The following PLIN1 variants were observed in gnomAD, a reference collection of about 807,000 sequenced individuals.
The protein encoded by PLIN1 is perilipin-1.
In PLIN1, 37 loss-of-function variants were observed where a neutral mutation model predicts 45.8. The ratio of observed to expected loss-of-function variants is 0.81; its 90% CI spans 0.62 to 1.06. The LOEUF (loss-of-function observed/expected upper bound fraction) is 1.06. PLIN1 is among the 50% of genes least tolerant of loss of function. PLIN1 has a pLI of 0.00. For synonymous variants in PLIN1, 340 were observed against 309.2 expected, an observed-to-expected ratio of 1.10 and a Z score of -1.05; for missense variants, 776 against 716.5, an observed-to-expected ratio of 1.08 and a Z score of -0.95.
rs768562297 is a variant in PLIN1 at position 89,665,805 on chromosome 15, G to A, written c.1347C>T (p.Leu449=). 3.0e-6 allele frequency: 4 copies of A among 1,354,280 alleles called. No homozygotes were observed. Among genetic ancestry groups the A allele is most frequent in the South Asian group, 1.7e-5 (1 of 59,070 alleles). The allele number at this position is 1,354,280 out of a possible 1,614,324, so 83.9% of individuals were successfully genotyped here. Residue 449 remains leucine, a synonymous_variant, in exon 9 of 9, where the codon CTC becomes CTT. Coordinates refer to ENST00000300055, the MANE Select transcript of PLIN1 (RefSeq NM_002666.5). ...PSAGPEPAPR[L]AQPRRSLRSA... ...TGCGCAGGCTGCGGCGGGGCTGTGC[G>A]AGACGCGGGGCGGGCTCCGGGCCGG...
At chr15:89,668,185 T>C (rs1252992262) in intron 6 of PLIN1, among the ~76,000 whole-genome samples, 1 of 152,248 alleles carries the variant, frequency 6.6e-6, no homozygotes, top group East Asian at 1.9e-4. Context: ...CCATGTGTAT[T>C]CATCTATTAA....
chr15:89,675,470 G>A (rs1210855369), intron 2 of PLIN1, among the ~76,000 whole-genome samples: 1 of 150,882 alleles, frequency 6.6e-6, no homozygotes, highest in Non-Finnish European at 1.5e-5. Flanking sequence ...AATATTTGAT[G>A]GCATGTGGAC....
At chr15:89,668,328 T>C (rs1289948422) in intron 6 of PLIN1, among the ~76,000 whole-genome samples, 1 of 152,252 alleles carries the variant, frequency 6.6e-6, no homozygotes, top group Non-Finnish European at 1.5e-5. Flanking sequence ...CTACCGTTGA[T>C]GGACATTATC....
intron 2 of PLIN1, among the ~76,000 whole-genome samples, chr15:89,676,409 C>T (rs571316860): frequency 2.6e-5 from 4 of 152,134 alleles, no homozygotes; most frequent in Admixed American, 6.5e-5. Context: ...CACCATACCC[C>T]GCTGATTTTT....
At chr15:89,675,833 A>G (rs1391346342) in intron 2 of PLIN1, among the ~76,000 whole-genome samples, 1 of 152,124 alleles carries the variant, frequency 6.6e-6, no homozygotes, top group Non-Finnish European at 1.5e-5. Context: ...CCCACAGCTG[A>G]TAAGTGGCAG....
At chr15:89,672,018 T>C (rs1489289087) in intron 3 of PLIN1, among the ~76,000 whole-genome samples, 2 of 152,126 alleles carry the variant, frequency 1.3e-5, no homozygotes, top group Non-Finnish European at 2.9e-5. Flanking sequence ...TGAGTGAGCA[T>C]GAGGAGGGAG....
intron 3 of PLIN1, among the ~76,000 whole-genome samples, chr15:89,672,505 G>A (rs999118125): frequency 3.3e-5 from 5 of 152,172 alleles, no homozygotes; most frequent in African/African-American, 7.2e-5. Context: ...ACTTCACATC[G>A]GTCCTCTCCT....
At chr15:89,678,723 C>G (rs4578621) in intron 1 of PLIN1, among the ~76,000 whole-genome samples, 125,434 of 152,056 alleles carry the variant, frequency 0.82, 53,112 homozygotes, top group Non-Finnish European at 0.92. Flanking sequence ...AGATCAGCCT[C>G]GGCAATACAG....
intron 2 of PLIN1, among the ~76,000 whole-genome samples, chr15:89,676,218 C>G (rs574898754): frequency 1.7e-4 from 26 of 152,142 alleles, no homozygotes; most frequent in Admixed American, 1.4e-3. Context: ...TAAGACAGAG[C>G]AGCCCACAAT....
chr15:89,675,442 A>AG (rs975043161), intron 2 of PLIN1, among the ~76,000 whole-genome samples: 26 of 151,304 alleles, frequency 1.7e-4, no homozygotes, highest in African/African-American at 5.8e-4. Flanking sequence ...AAAAAAAAAA[A>AG]AAAAAGCTGG....
rs773601550 is a variant in PLIN1, at chr15:89,669,969, A to G, written c.598+11T>C. Reference sequence around the variant, plus strand: ...ACTCACTCCCAGGCCGAGCCTCCGAATGGCAGGTACCTGACTCTTCCTTGT... The same window carrying G: ...ACTCACTCCCAGGCCGAGCCTCCGAGTGGCAGGTACCTGACTCTTCCTTGT... On this transcript the variant is annotated intron_variant, in intron 5 of 8. Coordinates refer to ENST00000300055, the MANE Select transcript of PLIN1 (RefSeq NM_002666.5). 58 of 1,607,916 alleles carry G rather than the reference A, an allele frequency of 3.6e-5. No individual in the cohort carries two copies. The highest frequency in any genetic ancestry group is 4.9e-5 in the Non-Finnish European group (58 of 1,178,748).
At chr15:89,677,819 C>T (rs1180566101) in intron 1 of PLIN1, 3 of 284,916 alleles carry the variant, frequency 1.1e-5, no homozygotes, top group Non-Finnish European at 2.0e-5. Flanking sequence ...TGCACAATCT[C>T]GGCTCACTAC....
chr15:89,667,507 G>A (rs1964367748), intron 7 of PLIN1, 95 bp downstream of exon 7: 2 of 1,589,698 alleles, frequency 1.3e-6, no homozygotes, highest in Non-Finnish European at 1.7e-6. Context: ...CCGTGCCCCT[G>A]CATCTGGGGC....
At chr15:89,677,628 A>G (rs924488214) in intron 1 of PLIN1, 125 bp from the exon 2 acceptor site, 44 of 804,252 alleles carry the variant, frequency 5.5e-5, no homozygotes, top group Admixed American at 5.3e-4. Flanking sequence ...CCCTGAACAG[A>G]AGGCATTAGG....
intron 4 of PLIN1, among the ~76,000 whole-genome samples, chr15:89,670,740 T>A (rs1355244949): frequency 1.3e-5 from 2 of 152,352 alleles, no homozygotes; most frequent in Non-Finnish European, 2.9e-5. Flanking sequence ...AGCACAGGTC[T>A]CACAGCTGAA....
chr15:89,677,163 T>C (rs1964531498), intron 2 of PLIN1: 2 of 513,514 alleles, frequency 3.9e-6, no homozygotes, highest in Non-Finnish European at 7.0e-6. Flanking sequence ...GTTTAAACAG[T>C]AGTTTCCTTC....
Position 89,670,230 on chromosome 15 carries a change from C to T in PLIN1, c.348G>A (p.Leu116=), listed in dbSNP as rs1964420151. ...QYPPEKIASE[L]KDTISTRLRS... ...GGAGGCGGGTGGAGATGGTGTCCTT[C>T]AGCTCAGAAGCAATCTGGGGGAAGT... The change falls in exon 5 of 9, where the codon CTG becomes CTA. Residue 116 remains leucine (L), a synonymous_variant. Transcript: ENST00000300055. 6.2e-7 allele frequency: 1 copy of T among 1,612,724 alleles called. No homozygotes were observed. Among genetic ancestry groups the T allele is most frequent in the Non-Finnish European group, 8.5e-7 (1 of 1,179,286 alleles).
chr15:89,672,099 C>G (rs1567078943), intron 3 of PLIN1, among the ~76,000 whole-genome samples: 1 of 152,182 alleles, frequency 6.6e-6, no homozygotes, highest in Non-Finnish European at 1.5e-5. Context: ...ATCAACATGA[C>G]AAACTCCCAG....
In PLIN1 at chr15:89,665,631, C is replaced by A; in HGVS notation, c.1521G>T (p.Glu507Asp). The change falls in exon 9 of 9, where the codon GAG becomes GAT. Residue 507 changes from glutamate to aspartate, a missense_variant. By Grantham distance (45) the Glu-to-Asp change is conservative. Transcript: ENST00000300055. ...SDSFFRPSVM[E>D]PILGRTHYSQ... Reference sequence around the variant, plus strand: ...TGTAATGCGTGCGGCCCAGGATGGGCTCCATGACGCTGGGCCGGAAGAAGC... The same window carrying A: ...TGTAATGCGTGCGGCCCAGGATGGGATCCATGACGCTGGGCCGGAAGAAGC... The A allele has an allele frequency of 6.6e-7, 1 of 1,512,050 alleles. No homozygotes were observed. Among genetic ancestry groups the A allele is most frequent in the South Asian group, 1.2e-5 (1 of 81,548 alleles). 93.7% of individuals were successfully genotyped at this position (1,512,050 alleles called of 1,614,324 possible).
Sources: gnomAD v4.1 joint callset for allele counts (sites outside exome capture counted in the v4.1 genomes callset) on GRCh38, gnomAD v4.1.1 for gene constraint, MANE v1.5 for transcripts, NCBI Gene and HGNC (gene_info 2026-07-23, HGNC 2026-07-21) for gene names.